Variants in RABGAP1L observed in about 807,000 individuals in gnomAD.
RABGAP1L encodes rab GTPase-activating protein 1-like.
In RABGAP1L, 63 loss-of-function variants were observed where a neutral mutation model predicts 137.7. The ratio of observed to expected loss-of-function variants is 0.46; its 90% CI spans 0.37 to 0.56. RABGAP1L has a LOEUF of 0.56. Ranked by LOEUF, RABGAP1L falls within the 20% of genes least tolerant of loss-of-function variation. The pLI, the probability that RABGAP1L is intolerant of heterozygous loss-of-function variation, is 0.00. For missense variants in RABGAP1L, 1,095 were observed against 1,244.0 expected, an observed-to-expected ratio of 0.88 and a Z score of 1.80; for synonymous variants, 431 against 433.7, an observed-to-expected ratio of 0.99 and a Z score of 0.08.
intron 7 of RABGAP1L, among the ~76,000 whole-genome samples, chr1:174,254,975 T>G (rs1322119712): frequency 6.6e-6 from 1 of 152,214 alleles, no homozygotes; most frequent in Non-Finnish European, 1.5e-5. Flanking sequence ...GTGTTCCTAT[T>G]TCTCCACATT....
chr1:174,876,927 A>G (rs1006728116), intron 19 of RABGAP1L, among the ~76,000 whole-genome samples: 3 of 152,042 alleles, frequency 2.0e-5, no homozygotes, highest in Non-Finnish European at 2.9e-5. Flanking sequence ...CACTTGTACT[A>G]TGAATTCTTT....
intron 17 of RABGAP1L, among the ~76,000 whole-genome samples, chr1:174,745,449 G>T (rs1419894774): frequency 6.6e-6 from 1 of 152,140 alleles, no homozygotes; most frequent in Non-Finnish European, 1.5e-5. Context: ...TCAAATAATT[G>T]TGACTCTTTA....
chr1:174,909,136 G>A (rs571305149), intron 19 of RABGAP1L, among the ~76,000 whole-genome samples: 9 of 145,362 alleles, frequency 6.2e-5, no homozygotes, highest in East Asian at 2.1e-4. Context: ...CCAAGATCGC[G>A]CCACTCTACT....
intron 13 of RABGAP1L, among the ~76,000 whole-genome samples, chr1:174,606,147 T>C (rs745543843): frequency 6.6e-6 from 1 of 152,240 alleles, no homozygotes; most frequent in Admixed American, 6.5e-5. Flanking sequence ...TAATGTACAC[T>C]ATCCATCAAC....
intron 18 of RABGAP1L, among the ~76,000 whole-genome samples, chr1:174,798,317 G>T (rs1310281894): frequency 5.3e-5 from 8 of 151,442 alleles, no homozygotes; most frequent in Admixed American, 5.3e-4. Context: ...TGAGACAGGA[G>T]AATGATGTGA....
intron 13 of RABGAP1L, among the ~76,000 whole-genome samples, chr1:174,462,461 A>C (rs1218228616): frequency 6.6e-6 from 1 of 152,048 alleles, no homozygotes; most frequent in Non-Finnish European, 1.5e-5. Context: ...TTTTTCCAGC[A>C]TTTCTGAAAC....
chr1:174,275,576 C>T (rs115385343), intron 8 of RABGAP1L, among the ~76,000 whole-genome samples: 2,221 of 152,064 alleles, frequency 0.015, 43 homozygotes, highest in African/African-American at 0.05. Flanking sequence ...TTTTTTGATT[C>T]AGCATGTAAG....
At chr1:174,629,834 A>C (rs1673206336) in intron 13 of RABGAP1L, among the ~76,000 whole-genome samples, 1 of 152,138 alleles carries the variant, frequency 6.6e-6, no homozygotes, top group South Asian at 2.1e-4. Flanking sequence ...AGGAAATTTT[A>C]TTAAGTAAGG....
chr1:174,860,523 T>C (rs934184973), intron 19 of RABGAP1L, among the ~76,000 whole-genome samples: 6 of 152,202 alleles, frequency 3.9e-5, no homozygotes, highest in African/African-American at 1.4e-4. Flanking sequence ...TGGGGAATTT[T>C]CCCTTGAATC....
chr1:174,430,160 A>G (rs914960697), intron 13 of RABGAP1L, among the ~76,000 whole-genome samples: 1 of 152,062 alleles, frequency 6.6e-6, no homozygotes, highest in South Asian at 2.1e-4. Context: ...CGAGGCGGGC[A>G]GTTTGCTTGA....
intron 19 of RABGAP1L, among the ~76,000 whole-genome samples, chr1:174,825,410 C>T (rs1691464868): frequency 6.6e-6 from 1 of 152,202 alleles, no homozygotes; most frequent in South Asian, 2.1e-4. Flanking sequence ...TCTACTAACT[C>T]TTGCTACTTT....
intron 1 of RABGAP1L, among the ~76,000 whole-genome samples, chr1:174,211,637 A>C (rs551322848): frequency 6.6e-6 from 1 of 152,256 alleles, no homozygotes; most frequent in South Asian, 2.1e-4. Context: ...CAGCAATAAC[A>C]GTGAATGTAA....
At chr1:174,913,634 T>C (rs917957274) in intron 19 of RABGAP1L, among the ~76,000 whole-genome samples, 1 of 152,226 alleles carries the variant, frequency 6.6e-6, no homozygotes, top group Non-Finnish European at 1.5e-5. Flanking sequence ...GTTGGTTGCC[T>C]GCCATGGTCG....
chr1:174,644,940 C>T (rs1025780280), intron 14 of RABGAP1L, among the ~76,000 whole-genome samples: 5 of 152,166 alleles, frequency 3.3e-5, no homozygotes, highest in Middle Eastern at 3.4e-3. Context: ...GGTAGTCCTA[C>T]GCACTATACC....
chr1:174,634,561 C>A (rs1379079129), intron 13 of RABGAP1L, among the ~76,000 whole-genome samples: 1 of 141,814 alleles, frequency 7.1e-6, no homozygotes. Context: ...ATAAATCATG[C>A]TGCTATAAAG....
intron 13 of RABGAP1L, among the ~76,000 whole-genome samples, chr1:174,402,615 A>C (rs533147954): frequency 1.2e-4 from 19 of 152,128 alleles, no homozygotes; most frequent in Admixed American, 7.2e-4. Context: ...TCACTGGAAG[A>C]CTTTTACCAC....
chr1:174,957,704 A>G (rs746782346), intron 20 of RABGAP1L, 155 bp downstream of exon 20: 35 of 907,804 alleles, frequency 3.9e-5, no homozygotes, highest in Middle Eastern at 2.2e-4. Flanking sequence ...GGCACGAGCC[A>G]CCATTCCCAG....
chr1:174,289,605 T>C (rs1263743642), intron 10 of RABGAP1L, among the ~76,000 whole-genome samples: 1 of 152,252 alleles, frequency 6.6e-6, no homozygotes, highest in Non-Finnish European at 1.5e-5. Flanking sequence ...TGATCACCTC[T>C]TCTAGCCTTT....
intron 10 of RABGAP1L, among the ~76,000 whole-genome samples, chr1:174,284,734 CTTTTTTTTTTT>C (rs59344382): frequency 1.6e-4 from 7 of 42,620 alleles, no homozygotes; most frequent in Non-Finnish European, 2.7e-4. Context: ...TATTTCTTGT[CTTTTTTTTTTT>C]TTTTTTTTTT....
Sources: gnomAD v4.1 joint callset for allele counts (sites outside exome capture counted in the v4.1 genomes callset) on GRCh38, gnomAD v4.1.1 for gene constraint, MANE v1.5 for transcripts, NCBI Gene and HGNC (gene_info 2026-07-23, HGNC 2026-07-21) for gene names.